The following CDH8 variants were observed in gnomAD, a reference collection of about 807,000 sequenced individuals.
CDH8 encodes the protein cadherin-8.
In CDH8, 17 loss-of-function variants were observed where a neutral mutation model predicts 68.1. That is an observed-to-expected ratio of 0.25 (90% CI 0.17 to 0.37). The LOEUF is 0.37. Among genes scored for constraint, CDH8 ranks in the 10% least tolerant of loss-of-function variants. The probability of loss-of-function intolerance (pLI) is 1.00; values close to 1 mark genes in which losing one functional copy is unlikely to be tolerated. For synonymous variants in CDH8, 372 were observed against 365.1 expected (o/e 1.02, Z -0.21); for missense variants, 763 against 999.3 (o/e 0.76, Z 3.19).
intron 2 of CDH8, among the ~76,000 whole-genome samples, chr16:61,933,172 G>A (rs903329412): frequency 6.6e-6 from 1 of 152,170 alleles, no homozygotes; most frequent in Non-Finnish European, 1.5e-5. Context: ...TCTAGGTTCA[G>A]TCCAAAGCTC....
chr16:61,901,785 C>T (rs369760519), intron 2 of CDH8, among the ~76,000 whole-genome samples: 7 of 152,158 alleles, frequency 4.6e-5, no homozygotes, highest in Admixed American at 4.6e-4. Context: ...CCATTTATTA[C>T]ATTTGCTTAA....
intron 2 of CDH8, among the ~76,000 whole-genome samples, chr16:61,920,995 A>T (rs1964355471): frequency 6.7e-6 from 1 of 149,340 alleles, no homozygotes; most frequent in Non-Finnish European, 1.5e-5. Context: ...TCAGTAAACT[A>T]TCACAAGAAC....
chr16:61,837,207 C>T (rs1962587001), intron 4 of CDH8, among the ~76,000 whole-genome samples: 1 of 152,062 alleles, frequency 6.6e-6, no homozygotes, highest in South Asian at 2.1e-4. Flanking sequence ...CATCAGATCA[C>T]TGTCTGTGCA....
rs144010925 is a variant in CDH8 at position 61,870,759 on chromosome 16, T to C, written c.548-13521A>G. 1.1e-3 allele frequency among the ~76,000 whole-genome samples: 175 copies of C among 152,278 alleles called. No individual in the cohort carries two copies. The East Asian group carries it at 0.032, about 27-fold the overall frequency. On this transcript the variant is annotated intron_variant, in intron 3 of 11. Coordinates refer to ENST00000577390, the MANE Select transcript of CDH8 (RefSeq NM_001796.5). ...CCCAACATGGTTGGGGTTTTCTACATTGAAACTCACTAAATTTCAAGAGTG... is the reference window on the plus strand; with the variant it reads ...CCCAACATGGTTGGGGTTTTCTACACTGAAACTCACTAAATTTCAAGAGTG...
intron 2 of CDH8, among the ~76,000 whole-genome samples, chr16:61,915,477 C>G (rs961335481): frequency 6.6e-6 from 1 of 152,078 alleles, no homozygotes; most frequent in Non-Finnish European, 1.5e-5. Context: ...GATTCAAACC[C>G]AAGACTATTA....
intron 9 of CDH8, chr16:61,725,520 T>C (rs1220659112): frequency 6.6e-6 from 1 of 150,950 alleles, no homozygotes; most frequent in Admixed American, 6.6e-5. Flanking sequence ...TACCAGTCTG[T>C]GATTTGGCTA....
At chr16:61,984,456 G>A (rs1039092226) in intron 2 of CDH8, among the ~76,000 whole-genome samples, 2 of 142,194 alleles carry the variant, frequency 1.4e-5, no homozygotes, top group Non-Finnish European at 3.1e-5. Context: ...TGTCTTTTAC[G>A]TTTTTTTTTT....
At position 61,901,121 on chromosome 16, in the gene CDH8, C is replaced by T. The variant is rs1963961704; in HGVS notation, c.547+58G>A. The T allele has an allele frequency of 2.1e-6, 3 of 1,419,442 alleles. No individual in the cohort carries two copies. In the Admixed American group the frequency reaches 5.5e-5, roughly 26 times the overall value. 87.9% of individuals were successfully genotyped at this position (1,419,442 alleles called of 1,614,324 possible). ...ATTCAGCAATACACCATCCTTGATG[C>T]CAGGAGCTATTCTAAAGATGACTTT... On this transcript the variant is annotated intron_variant, in intron 3 of 11. Transcript: ENST00000577390.
chr16:62,005,008 C>T (rs4784170), intron 2 of CDH8, among the ~76,000 whole-genome samples: 68,332 of 152,118 alleles, frequency 0.45, 18,202 homozygotes, highest in East Asian at 0.66. Context: ...AAAGTAAGAA[C>T]GCTTTCTTCT....
chr16:61,886,060 C>G (rs1270646785), intron 3 of CDH8, among the ~76,000 whole-genome samples: 1 of 152,124 alleles, frequency 6.6e-6, no homozygotes, highest in Non-Finnish European at 1.5e-5. Flanking sequence ...AAGGGGATAT[C>G]CCACCCTCTA....
At chr16:61,875,722 AT>A (rs1259134102) in intron 3 of CDH8, among the ~76,000 whole-genome samples, 2 of 152,164 alleles carry the variant, frequency 1.3e-5, no homozygotes, top group African/African-American at 4.8e-5. Context: ...CCACGTATGC[AT>A]TTTAAACTTT....
At chr16:61,741,727 G>A (rs1362898133) in intron 8 of CDH8, among the ~76,000 whole-genome samples, 1 of 151,864 alleles carries the variant, frequency 6.6e-6, no homozygotes, top group Non-Finnish European at 1.5e-5. Flanking sequence ...TATCTTTTTA[G>A]TCCTACAATC....
At chr16:61,704,344 T>C (rs1964491751) in intron 10 of CDH8, among the ~76,000 whole-genome samples, 3 of 152,212 alleles carry the variant, frequency 2.0e-5, no homozygotes, top group African/African-American at 4.8e-5. Flanking sequence ...ATTTGTCATA[T>C]GTTTATTGAG....
intron 10 of CDH8, among the ~76,000 whole-genome samples, chr16:61,683,310 A>AAG (rs1320671600): frequency 6.6e-6 from 1 of 152,004 alleles, no homozygotes; most frequent in Non-Finnish European, 1.5e-5. Context: ...TGCATATATA[A>AAG]ACAATAAGCA....
At chr16:61,771,145 T>C (rs1260749456) in intron 8 of CDH8, among the ~76,000 whole-genome samples, 3 of 151,874 alleles carry the variant, frequency 2.0e-5, no homozygotes, top group Non-Finnish European at 2.9e-5. Context: ...TTTTAATAGG[T>C]ATCCAGATAT....
At chr16:61,794,090 C>A (rs1567473360) in intron 7 of CDH8, among the ~76,000 whole-genome samples, 1 of 151,894 alleles carries the variant, frequency 6.6e-6, no homozygotes, top group African/African-American at 2.4e-5. Context: ...GAATTTAGAC[C>A]TTCCCTGAAA....
intron 8 of CDH8, among the ~76,000 whole-genome samples, chr16:61,783,988 A>G (rs1961161896): frequency 6.6e-6 from 1 of 152,180 alleles, no homozygotes. Flanking sequence ...AATCATGCCA[A>G]AATGTAAAGA....
At chr16:61,916,899 A>C (rs1044067471) in intron 2 of CDH8, among the ~76,000 whole-genome samples, 1 of 152,222 alleles carries the variant, frequency 6.6e-6, no homozygotes, top group East Asian at 1.9e-4. Context: ...TTAAATGATA[A>C]ATATGTAGAC....
chr16:61,663,272 T>C (rs781457943), intron 10 of CDH8, among the ~76,000 whole-genome samples: 15 of 152,066 alleles, frequency 9.9e-5, no homozygotes, highest in Non-Finnish European at 1.9e-4. Context: ...ATTCAGATTA[T>C]GATAACAGAT....
Sources: allele counts gnomAD v4.1 joint callset (sites outside exome capture counted in the v4.1 genomes callset), GRCh38; gene constraint gnomAD v4.1.1; transcripts MANE v1.5; gene names NCBI Gene and HGNC (gene_info 2026-07-23, HGNC 2026-07-21).